The following CDK5RAP2 variants were observed in gnomAD, a reference collection of about 807,000 sequenced individuals.
CDK5RAP2 encodes CDK5 regulatory subunit associated protein 2.
Under a neutral mutation model 232.9 loss-of-function variants are expected in CDK5RAP2, and 147 were observed. The observed-to-expected ratio is 0.63, with a 90% CI of 0.55 to 0.72. The LOEUF (loss-of-function observed/expected upper bound fraction) is 0.72. Ranked by LOEUF, CDK5RAP2 falls within the 30% of genes least tolerant of loss-of-function variation. The pLI, the probability that CDK5RAP2 is intolerant of heterozygous loss-of-function variation, is 0.00. For missense variants in CDK5RAP2, 2,195 were observed against 2,231.5 expected, an observed-to-expected ratio of 0.98 and a Z score of 0.33; for synonymous variants, 833 against 833.7, an observed-to-expected ratio of 1.00 and a Z score of 0.01.
chr9:120,388,876 G>GGTCGCCGTATCATT lies in CDK5RAP2; in HGVS notation c.*359_*360insAATGATACGGCGAC. 3.2e-6 allele frequency: 1 copy of GGTCGCCGTATCATT among 312,670 alleles called. No homozygotes were observed. Among genetic ancestry groups the GGTCGCCGTATCATT allele is most frequent in the Non-Finnish European group, 5.9e-6 (1 of 168,222 alleles). The allele number at this position is 312,670 out of a possible 1,614,324, so 19.4% of individuals were successfully genotyped here. On this transcript the variant is annotated 3_prime_UTR_variant, in exon 38 of 38. Transcript: ENST00000349780. ...CACAAAACAACAGAATCGTCAAGGT[G>GGTCGCCGTATCATT]AAATGAAATGAATCATTTAATGAGA...
chr9:120,558,687 G>A (rs2042339395), intron 3 of CDK5RAP2, among the ~76,000 whole-genome samples: 1 of 152,054 alleles, frequency 6.6e-6, no homozygotes, highest in African/African-American at 2.4e-5. Flanking sequence ...TCTTTCTGAC[G>A]CGTCTGCCAG....
chr9:120,411,995 T>C (rs916694975), intron 28 of CDK5RAP2, among the ~76,000 whole-genome samples: 3 of 152,210 alleles, frequency 2.0e-5, no homozygotes, highest in Non-Finnish European at 4.4e-5. Flanking sequence ...CTGCTGCTGC[T>C]TCCTCCAAAA....
Position 120,403,182 on chromosome 9 carries a change from A to C in CDK5RAP2, c.5042-111T>G. 9.3e-7 allele frequency: 1 copy of C among 1,080,566 alleles called. No homozygotes were observed. Among genetic ancestry groups the C allele is most frequent in the Non-Finnish European group, 1.4e-6 (1 of 718,924 alleles). The allele number at this position is 1,080,566 out of a possible 1,614,324, so 66.9% of individuals were successfully genotyped here. ...GGCTAGAAGAGGCCCTCGTGCCCAA[A>C]TGCCACCCAACACAAGCCCAGAGGG... On this transcript the variant is annotated intron_variant, in intron 33 of 37. Coordinates refer to ENST00000349780, the MANE Select transcript of CDK5RAP2 (RefSeq NM_018249.6). The surrounding 1 kb of genome is among the most constrained non-coding windows in gnomAD (Gnocchi z 4.2).
intron 14 of CDK5RAP2, among the ~76,000 whole-genome samples, chr9:120,482,193 T>A (rs566020918): frequency 1.4e-4 from 22 of 152,206 alleles, no homozygotes; most frequent in African/African-American, 5.1e-4. Flanking sequence ...TATGGATTTC[T>A]GATGGATGGC....
At chr9:120,458,216 G>A (rs1171943949) in intron 20 of CDK5RAP2, among the ~76,000 whole-genome samples, 1 of 152,212 alleles carries the variant, frequency 6.6e-6, no homozygotes, top group Admixed American at 6.5e-5. Context: ...CCCAAAGAAA[G>A]CTTTCTTTCT....
At chr9:120,437,675 C>A in intron 24 of CDK5RAP2, 148 bp from the exon 25 acceptor site, 1 of 652,154 alleles carries the variant, frequency 1.5e-6, no homozygotes, top group East Asian at 2.7e-5. Context: ...TGAAACTGTA[C>A]AAGGTCAGCT....
In CDK5RAP2 at chr9:120,394,318, C is replaced by T. The variant is rs2032267586; in HGVS notation, c.5578+194G>A. On this transcript the variant is annotated intron_variant, in intron 36 of 37. Coordinates refer to ENST00000349780, the MANE Select transcript of CDK5RAP2 (RefSeq NM_018249.6). ...ACGACAGTCCCTGACACCAAAAGGCCGCTCTACAAAGGTGTGTTAAGTGAA... is the reference window on the plus strand; with the variant it reads ...ACGACAGTCCCTGACACCAAAAGGCTGCTCTACAAAGGTGTGTTAAGTGAA... 2.6e-5 allele frequency among the ~76,000 whole-genome samples: 4 copies of T among 152,076 alleles called. No individual in the cohort carries two copies. The South Asian group carries it at 8.3e-4, about 32-fold the overall frequency.
chr9:120,472,381 T>C (rs895838383), intron 15 of CDK5RAP2, among the ~76,000 whole-genome samples: 1 of 152,150 alleles, frequency 6.6e-6, no homozygotes, highest in African/African-American at 2.4e-5. Context: ...TTCTGAACAA[T>C]GCCCCAAGAG....
chr9:120,457,722 T>C (rs1177205933), intron 20 of CDK5RAP2, among the ~76,000 whole-genome samples: 1 of 152,234 alleles, frequency 6.6e-6, no homozygotes, highest in Non-Finnish European at 1.5e-5. Flanking sequence ...TCTCTATCCA[T>C]TCAGGAGGAG....
chr9:120,534,299 C>T (rs1588593377), intron 7 of CDK5RAP2, among the ~76,000 whole-genome samples: 1 of 152,338 alleles, frequency 6.6e-6, no homozygotes, highest in East Asian at 1.9e-4. Flanking sequence ...TGGACTTCCA[C>T]TCGCACTGTT....
intron 25 of CDK5RAP2, among the ~76,000 whole-genome samples, chr9:120,428,769 C>T (rs575886717): frequency 1.2e-4 from 19 of 152,312 alleles, no homozygotes; most frequent in African/African-American, 4.6e-4. Flanking sequence ...AGGCCAGCAT[C>T]ATCCTGATAC....
intron 25 of CDK5RAP2, among the ~76,000 whole-genome samples, chr9:120,427,095 A>G (rs2034956309): frequency 6.6e-6 from 1 of 151,980 alleles, no homozygotes; most frequent in Admixed American, 6.5e-5. Flanking sequence ...AGCTCCCCCT[A>G]TTTGTCAAGG....
chr9:120,574,041 C>A (rs950321014), intron 1 of CDK5RAP2, among the ~76,000 whole-genome samples: 12 of 152,296 alleles, frequency 7.9e-5, no homozygotes, highest in Non-Finnish European at 1.6e-4. Context: ...ATGAATAACT[C>A]AAGCCAAGAT....
At chr9:120,437,951 G>A (rs751340151) in intron 24 of CDK5RAP2, among the ~76,000 whole-genome samples, 5 of 152,138 alleles carry the variant, frequency 3.3e-5, no homozygotes, top group Non-Finnish European at 7.3e-5. Context: ...CGAACAAAAC[G>A]TCACTGAATA....
intron 12 of CDK5RAP2, among the ~76,000 whole-genome samples, chr9:120,494,090 TAAA>T (rs532352159): frequency 2.5e-5 from 3 of 119,264 alleles, no homozygotes; most frequent in Non-Finnish European, 1.8e-5. Flanking sequence ...AGACTCAGTT[TAAA>T]AAAAAAAAAA....
intron 14 of CDK5RAP2, among the ~76,000 whole-genome samples, chr9:120,479,499 C>T (rs1405128705): frequency 6.6e-6 from 1 of 152,166 alleles, no homozygotes; most frequent in African/African-American, 2.4e-5. Context: ...TCAAAGTTAG[C>T]ATGGCCAGTA....
chr9:120,402,431 T>G (rs956751582), intron 34 of CDK5RAP2, among the ~76,000 whole-genome samples: 1 of 152,178 alleles, frequency 6.6e-6, no homozygotes, highest in Non-Finnish European at 1.5e-5. Context: ...CCTAAAAAGT[T>G]CACAACCTTT....
intron 18 of CDK5RAP2, among the ~76,000 whole-genome samples, chr9:120,463,263 T>G (rs539300144): frequency 2.3e-4 from 35 of 152,084 alleles, no homozygotes; most frequent in African/African-American, 8.2e-4. Context: ...CCCAGCTACT[T>G]GGGAAGCTGA....
chr9:120,521,580 C>T (rs1221371949), intron 11 of CDK5RAP2, among the ~76,000 whole-genome samples: 1 of 151,922 alleles, frequency 6.6e-6, no homozygotes, highest in Non-Finnish European at 1.5e-5. Flanking sequence ...CCTCCTTTGC[C>T]TTCCGCCATG....
Sources: allele counts gnomAD v4.1 joint callset (sites outside exome capture counted in the v4.1 genomes callset), GRCh38; gene constraint gnomAD v4.1.1; non-coding constraint Gnocchi (gnomAD v3.1); transcripts MANE v1.5; gene names NCBI Gene and HGNC (gene_info 2026-07-23, HGNC 2026-07-21).